The following CDH13 variants were observed in gnomAD, a reference collection of about 807,000 sequenced individuals.
CDH13 encodes cadherin-13.
In CDH13, 24 loss-of-function variants were observed where a neutral mutation model predicts 63.8. That is an observed-to-expected ratio of 0.38 (90% CI 0.27 to 0.53). CDH13 has a LOEUF of 0.53. CDH13 is among the 20% of genes least tolerant of loss of function. The pLI is 0.85. For synonymous variants in CDH13, 503 were observed against 355.3 expected, an observed-to-expected ratio of 1.42 and a Z score of -4.67; for missense variants, 1,049 against 903.1, an observed-to-expected ratio of 1.16 and a Z score of -2.07.
At chr16:83,433,822 A>G (rs1177620314) in intron 6 of CDH13, among the ~76,000 whole-genome samples, 2 of 152,164 alleles carry the variant, frequency 1.3e-5, no homozygotes, top group African/African-American at 2.4e-5. Flanking sequence ...CCTTTATTAC[A>G]TGGCATCATG....
intron 5 of CDH13, among the ~76,000 whole-genome samples, chr16:83,259,509 T>C (rs12921178): frequency 0.48 from 73,526 of 151,954 alleles, 18,161 homozygotes; most frequent in Non-Finnish European, 0.51. Context: ...GTTGGTTTGG[T>C]TGATTACATT....
intron 6 of CDH13, among the ~76,000 whole-genome samples, chr16:83,438,133 C>T (rs554831167): frequency 6.6e-6 from 1 of 152,178 alleles, no homozygotes; most frequent in African/African-American, 2.4e-5. Context: ...CAGTGTGCAT[C>T]GAAATCGCAG....
chr16:83,476,467 GT>G (rs2073608087), intron 6 of CDH13, among the ~76,000 whole-genome samples: 1 of 152,202 alleles, frequency 6.6e-6, no homozygotes, highest in African/African-American at 2.4e-5. Flanking sequence ...GAGGTCGGGA[GT>G]TTGAGACCAG....
chr16:82,840,486 C>A (rs565620576), intron 1 of CDH13, among the ~76,000 whole-genome samples: 1 of 151,502 alleles, frequency 6.6e-6, no homozygotes, highest in African/African-American at 2.4e-5. Flanking sequence ...ACTTTGAGAC[C>A]AGCCTGACCA....
chr16:83,162,091 A>C lies in CDH13; in HGVS notation c.483+36590A>C, dbSNP rs757153316. 5.3e-5 allele frequency among the ~76,000 whole-genome samples: 8 copies of C among 152,228 alleles called. No homozygotes were observed. In the South Asian group the frequency reaches 1.0e-3, roughly 20 times the overall value. On this transcript the variant is annotated intron_variant, in intron 4 of 13. Coordinates refer to ENST00000567109, the MANE Select transcript of CDH13 (RefSeq NM_001257.5). ...AGAATTAAAGGAAAATAGGTTAAAC[A>C]TGAACTGCTTCTCAGACGTGGCATT...
chr16:82,659,520 ATAAC>A (rs746836394), intron 1 of CDH13, among the ~76,000 whole-genome samples: 6 of 152,204 alleles, frequency 3.9e-5, no homozygotes, highest in Non-Finnish European at 7.3e-5. Flanking sequence ...AAAACCATAA[ATAAC>A]AGAAAAGAAT....
At chr16:83,119,611 C>A (rs958987809) in intron 3 of CDH13, among the ~76,000 whole-genome samples, 16 of 152,208 alleles carry the variant, frequency 1.1e-4, no homozygotes, top group African/African-American at 3.9e-4. Context: ...ATTTTTGTCA[C>A]CACCATTTTT....
At chr16:82,774,705 C>T (rs1297982360) in intron 1 of CDH13, among the ~76,000 whole-genome samples, 1 of 152,118 alleles carries the variant, frequency 6.6e-6, no homozygotes, top group South Asian at 2.1e-4. Context: ...GCTGTGTGCT[C>T]ACTGTATCCA....
At chr16:83,214,510 G>A (rs749155894) in intron 4 of CDH13, among the ~76,000 whole-genome samples, 2 of 144,714 alleles carry the variant, frequency 1.4e-5, no homozygotes, top group Non-Finnish European at 3.0e-5. Flanking sequence ...AACCTGGGAG[G>A]CGGAGGTTGC....
chr16:82,642,170 C>G (rs1909488791), intron 1 of CDH13, among the ~76,000 whole-genome samples: 1 of 149,218 alleles, frequency 6.7e-6, no homozygotes, highest in Non-Finnish European at 1.5e-5. Flanking sequence ...TAACACCTAA[C>G]TCATTGGACT....
At chr16:83,707,872 T>G (rs1182996016) in intron 10 of CDH13, among the ~76,000 whole-genome samples, 2 of 111,616 alleles carry the variant, frequency 1.8e-5, no homozygotes, top group Non-Finnish European at 3.7e-5. Flanking sequence ...CTGGGAAAGT[T>G]GAATTTTGAG....
intron 5 of CDH13, among the ~76,000 whole-genome samples, chr16:83,254,285 G>C (rs558310188): frequency 9.8e-5 from 15 of 152,308 alleles, no homozygotes; most frequent in African/African-American, 3.1e-4. Context: ...TCACTGCTTA[G>C]CATCATGATC....
At chr16:82,902,840 G>C (rs772916254) in intron 2 of CDH13, among the ~76,000 whole-genome samples, 1 of 152,102 alleles carries the variant, frequency 6.6e-6, no homozygotes, top group Non-Finnish European at 1.5e-5. Flanking sequence ...GTATAAAGAG[G>C]GTTCATCCAA....
rs377101340 is a variant in CDH13 at position 83,353,287 on chromosome 16, A to C, written c.781+8281A>C. ...CTATGTCTGAAGGTCCTCTGGTGAT[A>C]TCTCACACCGGCTCAGAACCAAGAC... On this transcript the variant is annotated intron_variant, in intron 6 of 13. Transcript: ENST00000567109. 9.8e-5 allele frequency among the ~76,000 whole-genome samples: 15 copies of C among 152,358 alleles called. No individual in the cohort carries two copies. The South Asian group carries it at 2.1e-3, about 21-fold the overall frequency.
intron 3 of CDH13, among the ~76,000 whole-genome samples, chr16:83,064,341 C>T (rs1416935127): frequency 2.1e-5 from 3 of 142,404 alleles, no homozygotes; most frequent in African/African-American, 8.0e-5. Context: ...TGCACTCCAG[C>T]CTGGGTGACA....
chr16:83,697,100 C>A (rs550879276), intron 10 of CDH13, among the ~76,000 whole-genome samples: 1 of 152,202 alleles, frequency 6.6e-6, no homozygotes, highest in African/African-American at 2.4e-5. Flanking sequence ...TTATTATTCA[C>A]AAATTCCATA....
At chr16:83,090,521 T>C (rs4782744) in intron 3 of CDH13, among the ~76,000 whole-genome samples, 128,675 of 149,760 alleles carry the variant, frequency 0.86, 55,679 homozygotes, top group East Asian at 0.97. Context: ...TTGCAGTGAG[T>C]CGAGATCGCG....
chr16:83,249,306 C>G (rs72802272), intron 5 of CDH13, among the ~76,000 whole-genome samples: 23,577 of 152,166 alleles, frequency 0.15, 2,251 homozygotes, highest in African/African-American at 0.26. Flanking sequence ...CTCTTTCTCA[C>G]TCTGTCTTCA....
chr16:83,687,881 G>T (rs1462183118), intron 10 of CDH13, among the ~76,000 whole-genome samples: 2 of 152,304 alleles, frequency 1.3e-5, no homozygotes, highest in African/African-American at 4.8e-5. Flanking sequence ...ATCTGAATCA[G>T]ATCCAAATTA....
Sources: allele counts gnomAD v4.1 joint callset (sites outside exome capture counted in the v4.1 genomes callset), GRCh38; gene constraint gnomAD v4.1.1; transcripts MANE v1.5; gene names NCBI Gene and HGNC (gene_info 2026-07-23, HGNC 2026-07-21).